Variants in COP1 observed in about 807,000 individuals in gnomAD.
COP1 encodes the protein COP1 E3 ubiquitin ligase.
Under a neutral mutation model 101.3 loss-of-function variants are expected in COP1, and 24 were observed. The observed-to-expected ratio is 0.24, with a 90% CI of 0.17 to 0.33. COP1 has a LOEUF of 0.33. COP1 is among the 10% of genes least tolerant of loss of function. COP1 has a pLI of 1.00. For synonymous variants in COP1, 347 were observed against 341.9 expected, an observed-to-expected ratio of 1.01 and a Z score of -0.17; for missense variants, 663 against 906.2, an observed-to-expected ratio of 0.73 and a Z score of 3.45.
intron 3 of COP1, among the ~76,000 whole-genome samples, chr1:176,172,657 T>C (rs1329378811): frequency 6.6e-6 from 1 of 152,204 alleles, no homozygotes; most frequent in Non-Finnish European, 1.5e-5. Context: ...TAGGTCTTCT[T>C]AACCCAACTA....
intron 5 of COP1, among the ~76,000 whole-genome samples, chr1:176,161,595 T>C (rs1694331791): frequency 6.6e-6 from 1 of 151,732 alleles, no homozygotes; most frequent in Non-Finnish European, 1.5e-5. Flanking sequence ...GAGGGAGACT[T>C]TGTCCCTTAA....
At chr1:176,201,665 T>C (rs1361418375) in intron 1 of COP1, among the ~76,000 whole-genome samples, 1 of 152,244 alleles carries the variant, frequency 6.6e-6, no homozygotes, top group Non-Finnish European at 1.5e-5. Context: ...TCCTGTTTCA[T>C]GATCATCTAT....
At chr1:176,148,837 G>A (rs1468487470) in intron 6 of COP1, among the ~76,000 whole-genome samples, 169 bp downstream of exon 6, 1 of 152,022 alleles carries the variant, frequency 6.6e-6, no homozygotes, top group African/African-American at 2.4e-5. Context: ...TAAGTGTCAA[G>A]TTGTAAAGAG....
rs958763170 is a variant in COP1, at chr1:176,019,920, T to C, written c.1729+7652A>G. 6.6e-5 allele frequency among the ~76,000 whole-genome samples: 10 copies of C among 152,278 alleles called. No individual in the cohort carries two copies. In the East Asian group the frequency reaches 7.7e-4, roughly 12 times the overall value. ...ATTTATTTCCAATATGATCTATTTATATATGTTCATGATTTGTTTATTTTA... is the reference window on the plus strand; with the variant it reads ...ATTTATTTCCAATATGATCTATTTACATATGTTCATGATTTGTTTATTTTA... On this transcript the variant is annotated intron_variant, in intron 15 of 19. Coordinates refer to ENST00000367669, the MANE Select transcript of COP1 (RefSeq NM_022457.7).
intron 11 of COP1, among the ~76,000 whole-genome samples, chr1:176,063,216 C>T (rs1470556660): frequency 6.6e-6 from 1 of 151,540 alleles, no homozygotes; most frequent in African/African-American, 2.4e-5. Flanking sequence ...CCCGCCACCG[C>T]GCCTGGCTAA....
chr1:176,095,280 T>C (rs932485324), intron 9 of COP1, among the ~76,000 whole-genome samples: 1 of 152,240 alleles, frequency 6.6e-6, no homozygotes, highest in Non-Finnish European at 1.5e-5. Flanking sequence ...GAATTTAGAA[T>C]AGTGGTTATC....
At chr1:176,100,627 C>T (rs921773049) in intron 9 of COP1, among the ~76,000 whole-genome samples, 1 of 152,074 alleles carries the variant, frequency 6.6e-6, no homozygotes, top group Non-Finnish European at 1.5e-5. Context: ...AATTATCCTG[C>T]CGGGTGATGG....
chr1:176,153,305 G>A (rs1692912271), intron 5 of COP1, among the ~76,000 whole-genome samples: 1 of 151,934 alleles, frequency 6.6e-6, no homozygotes, highest in Non-Finnish European at 1.5e-5. Context: ...ACAAAATAAG[G>A]CAATAAAAAA....
At chr1:176,038,693 C>T (rs1281341361) in intron 14 of COP1, among the ~76,000 whole-genome samples, 2 of 151,964 alleles carry the variant, frequency 1.3e-5, no homozygotes, top group Non-Finnish European at 2.9e-5. Flanking sequence ...TGGCGTGCGC[C>T]TGTAATCCCA....
intron 1 of COP1, among the ~76,000 whole-genome samples, chr1:176,200,960 G>C (rs942885875): frequency 6.6e-6 from 1 of 152,124 alleles, no homozygotes; most frequent in African/African-American, 2.4e-5. Flanking sequence ...CTGGAGCTGA[G>C]ACTACAAGCA....
intron 9 of COP1, among the ~76,000 whole-genome samples, chr1:176,111,107 G>C (rs1685205548): frequency 6.6e-6 from 1 of 152,044 alleles, no homozygotes; most frequent in South Asian, 2.1e-4. Flanking sequence ...AGCTGAGATG[G>C]CGCCACTGCA....
chr1:176,133,420 A>C (rs1403695399), intron 8 of COP1, among the ~76,000 whole-genome samples: 1 of 151,804 alleles, frequency 6.6e-6, no homozygotes, highest in Non-Finnish European at 1.5e-5. Flanking sequence ...TTCTTATGAG[A>C]TCACCATCAT....
At chr1:176,176,277 T>C (rs1020114241) in intron 2 of COP1, among the ~76,000 whole-genome samples, 2 of 152,204 alleles carry the variant, frequency 1.3e-5, no homozygotes, top group African/African-American at 4.8e-5. Flanking sequence ...TTTAAGTTTA[T>C]GCAATTTAGA....
At chr1:175,996,529 T>C (rs1433245948) in intron 15 of COP1, among the ~76,000 whole-genome samples, 5 of 152,060 alleles carry the variant, frequency 3.3e-5, no homozygotes, top group African/African-American at 1.2e-4. Context: ...CTCCTTAAGC[T>C]GATAAGCAAC....
At chr1:176,141,112 A>G (rs1422078550) in intron 6 of COP1, among the ~76,000 whole-genome samples, 1 of 152,216 alleles carries the variant, frequency 6.6e-6, no homozygotes, top group African/African-American at 2.4e-5. Context: ...TCATTATTTG[A>G]ATTTTTAATA....
Position 176,181,427 on chromosome 1 carries a change from C to CAAA in COP1, c.467+3203_467+3205dup, listed in dbSNP as rs35756525. Among the ~76,000 whole-genome samples the CAAA allele has an allele frequency of 6.7e-3, 991 of 147,116 alleles. 12 individuals are homozygous for CAAA. The highest frequency in any genetic ancestry group is 0.019 in the African/African-American group (731 of 39,450). Reference sequence around the variant, plus strand: ...TAAACTTTTGCTTTAAACAAAACTGCAAAAAAAAAAAAAATCAGTATAGCA... The same window carrying CAAA: ...TAAACTTTTGCTTTAAACAAAACTGCAAAAAAAAAAAAAAAAATCAGTATAGCA... On this transcript the variant is annotated intron_variant, in intron 2 of 19. Transcript: ENST00000367669.
intron 11 of COP1, among the ~76,000 whole-genome samples, chr1:176,058,176 G>A (rs1344041298): frequency 2.7e-3 from 38 of 14,168 alleles, no homozygotes; most frequent in East Asian, 0.056. Flanking sequence ...CGCCCCGCCC[G>A]GTAGGGAGGG....
At chr1:176,023,001 C>T (rs1476061330) in intron 15 of COP1, among the ~76,000 whole-genome samples, 1 of 152,130 alleles carries the variant, frequency 6.6e-6, no homozygotes, top group African/African-American at 2.4e-5. Flanking sequence ...TGGGGGTTTT[C>T]TGTTGTAGTG....
At chr1:175,957,351 C>A (rs1650782613) in intron 18 of COP1, among the ~76,000 whole-genome samples, 1 of 151,888 alleles carries the variant, frequency 6.6e-6, no homozygotes, top group South Asian at 2.1e-4. Context: ...TTTACTATAG[C>A]TTTTCTGTGT....
Sources: gnomAD v4.1 joint callset for allele counts (sites outside exome capture counted in the v4.1 genomes callset) on GRCh38, gnomAD v4.1.1 for gene constraint, MANE v1.5 for transcripts, NCBI Gene and HGNC (gene_info 2026-07-23, HGNC 2026-07-21) for gene names.